Variants in TTC5 observed in about 807,000 individuals in gnomAD.
The protein encoded by TTC5 is tetratricopeptide repeat protein 5.
A neutral mutation model predicts 57.4 loss-of-function variants in TTC5; 46 were observed. The ratio of observed to expected loss-of-function variants is 0.80; its 90% CI spans 0.63 to 1.03. TTC5 has a LOEUF of 1.03. TTC5 is among the 50% of genes least tolerant of loss of function. The pLI is 0.00. For synonymous variants in TTC5, 190 were observed against 203.5 expected, an observed-to-expected ratio of 0.93 and a Z score of 0.57; for missense variants, 504 against 528.1, an observed-to-expected ratio of 0.95 and a Z score of 0.45.
intron 4 of TTC5, 82 bp downstream of exon 4, chr14:20,299,216 C>A (rs1882130384): frequency 3.4e-6 from 5 of 1,491,884 alleles, no homozygotes; most frequent in Middle Eastern, 2.4e-4. Flanking sequence ...CAGAATCACA[C>A]TCAAAAGAGG....
Position 20,295,024 on chromosome 14 carries a change from G to A in TTC5, c.1058+288C>T, listed in dbSNP as rs1262241605. On this transcript the variant is annotated intron_variant, in intron 8 of 9. Coordinates refer to ENST00000258821, the MANE Select transcript of TTC5 (RefSeq NM_138376.3). ...GGGACAGAAGAATTTTGAGGTTTCT[G>A]TCTTATAAAAAAATATGTCCTGCCA... The A allele has an allele frequency of 8.8e-6, 3 of 342,220 alleles. No homozygotes were observed. The South Asian group carries it at 1.4e-4, about 16-fold the overall frequency. The allele number at this position is 342,220 out of a possible 1,614,324, so 21.2% of individuals were successfully genotyped here.
At position 20,292,027 on chromosome 14, in the gene TTC5, G is replaced by A. The variant is rs1881964215; in HGVS notation, c.1159C>T (p.Pro387Ser). The A allele has an allele frequency of 6.3e-7, 1 of 1,589,928 alleles. No homozygotes were observed. The highest frequency in any genetic ancestry group is 1.8e-5 in the Admixed American group (1 of 56,590). The change falls in exon 9 of 10, where the codon CCT (proline) becomes TCT (serine). Residue 387 changes from proline (P) to serine (S), a missense_variant. By Grantham distance (74) the Pro-to-Ser change is moderately conservative. Transcript: ENST00000258821. ...CGGTGAAGCCGCAGGTTGGGCTCAGGAATGGCTACAGAGTCTCCAATGAGC... is the reference window on the plus strand; with the variant it reads ...CGGTGAAGCCGCAGGTTGGGCTCAGAAATGGCTACAGAGTCTCCAATGAGC... ...GVLIGDSVAI[P>S]EPNLRLHRIQ...
chr14:20,301,916 T>A lies in TTC5; in HGVS notation c.101A>T (p.His34Leu). The A allele has an allele frequency of 2.5e-6, 4 of 1,614,114 alleles. No homozygotes were observed. Among genetic ancestry groups the A allele is most frequent in the Non-Finnish European group, 3.4e-6 (4 of 1,179,990 alleles). The change falls in exon 2 of 10, where the codon CAT (histidine) becomes CTT (leucine). Residue 34 changes from histidine to leucine, a missense_variant. Physicochemically the swap from His to Leu is moderately conservative, Grantham distance 99. Coordinates refer to ENST00000258821, the MANE Select transcript of TTC5 (RefSeq NM_138376.3). ...CTTCCTCCCAGCATCCTCAACACTATGTGTCTCGAAATAGCAGTCTCGAAA... is the reference window on the plus strand; with the variant it reads ...CTTCCTCCCAGCATCCTCAACACTAAGTGTCTCGAAATAGCAGTCTCGAAA... ...YSFRDCYFET[H>L]SVEDAGRKQQ...
At position 20,291,466 on chromosome 14, in the gene TTC5, G is replaced by GT. The variant is rs1252916324; in HGVS notation, c.1203+516dup. ...GTAGTTAAATATCTACATTCATAAG[G>GT]TTTTTTTAAGAATTGAATGGGGCAA... On this transcript the variant is annotated intron_variant, in intron 9 of 9. Transcript: ENST00000258821. 5.9e-5 allele frequency among the ~76,000 whole-genome samples: 9 copies of GT among 152,230 alleles called. No homozygotes were observed. The East Asian group carries it at 1.2e-3, about 20-fold the overall frequency.
chr14:20,292,979 T>C (rs577071659), intron 8 of TTC5: 146 of 152,344 alleles, frequency 9.6e-4, no homozygotes, highest in African/African-American at 3.3e-3. Flanking sequence ...GGTAATGATC[T>C]CTATTTGGGT....
intron 8 of TTC5, chr14:20,293,195 G>A (rs1246929940): frequency 6.6e-6 from 1 of 152,172 alleles, no homozygotes; most frequent in Non-Finnish European, 1.5e-5. Flanking sequence ...AATAAGCTAA[G>A]TAAAATAAAA....
chr14:20,293,798 GATACCATTC>G (rs773840579), intron 8 of TTC5: 1 of 152,192 alleles, frequency 6.6e-6, no homozygotes, highest in Non-Finnish European at 1.5e-5. Flanking sequence ...ACTGAGAGGT[GATACCATTC>G]ATTCACAAGG....
In TTC5 at chr14:20,300,143, G is replaced by GTATGTGTGTGTATATATATATATATA. The variant is rs56828704; in HGVS notation, c.396+463_396+464insTATATATATATATATACACACACATA. Among the ~76,000 whole-genome samples the GTATGTGTGTGTATATATATATATATA allele has an allele frequency of 9.2e-4, 25 of 27,142 alleles. 1 individual carries two copies. The highest frequency in any genetic ancestry group is 1.9e-3 in the African/African-American group (17 of 9,186). The allele number at this position is 27,142 out of a possible 152,430, so 17.8% of individuals were successfully genotyped here. ...GCATGAGTCACCACGTCTGGTCCATGTATATATATATATTTTTTTTTTTTT... is the reference window on the plus strand; with the variant it reads ...GCATGAGTCACCACGTCTGGTCCATGTATGTGTGTGTATATATATATATATATATATATATATATTTTTTTTTTTTT... On this transcript the variant is annotated intron_variant, in intron 3 of 9. Coordinates refer to ENST00000258821, the MANE Select transcript of TTC5 (RefSeq NM_138376.3).
chr14:20,302,295 A>C (rs1167319600), intron 1 of TTC5, among the ~76,000 whole-genome samples: 1 of 152,230 alleles, frequency 6.6e-6, no homozygotes, highest in Non-Finnish European at 1.5e-5. Context: ...CTGCAACTTA[A>C]GATAAACCAA....
intron 3 of TTC5, 61 bp from the exon 4 acceptor site, chr14:20,299,509 T>G: frequency 1.9e-6 from 3 of 1,552,456 alleles, no homozygotes; most frequent in Non-Finnish European, 1.8e-6. Context: ...TCCAGATCTA[T>G]TCTGAACTCA....
chr14:20,297,768 G>A (rs796091763), intron 5 of TTC5, among the ~76,000 whole-genome samples: 3 of 149,262 alleles, frequency 2.0e-5, no homozygotes, highest in South Asian at 2.1e-4. Flanking sequence ...ATGAGACTCC[G>A]TCTCAAAAAA....
At chr14:20,296,346 C>T in intron 6 of TTC5, 44 bp downstream of exon 6, 1 of 1,493,370 alleles carries the variant, frequency 6.7e-7, no homozygotes, top group Non-Finnish European at 9.3e-7. Context: ...ACATAGGTGT[C>T]TTATTTATTT....
At chr14:20,297,978 G>A (rs1437432038) in intron 5 of TTC5, among the ~76,000 whole-genome samples, 1 of 152,042 alleles carries the variant, frequency 6.6e-6, no homozygotes, top group Non-Finnish European at 1.5e-5. Flanking sequence ...AGGAGGGGGA[G>A]AAAAACCAAT....
chr14:20,302,382 C>T (rs1882211601), intron 1 of TTC5, among the ~76,000 whole-genome samples: 1 of 152,208 alleles, frequency 6.6e-6, no homozygotes, highest in African/African-American at 2.4e-5. Flanking sequence ...AGTTGGACTT[C>T]TCAACTAAAA....
At chr14:20,301,148 C>A (rs538494842) in intron 2 of TTC5, among the ~76,000 whole-genome samples, 1 of 152,152 alleles carries the variant, frequency 6.6e-6, no homozygotes, top group Non-Finnish European at 1.5e-5. Context: ...TGAAAAAGAG[C>A]ATATGGCATT....
chr14:20,286,284 C>T lies in TTC5; in HGVS notation c.*3343G>A, dbSNP rs1046395143. The T allele has an allele frequency of 1.3e-5, 2 of 151,818 alleles. No homozygotes were observed. The highest frequency in any genetic ancestry group is 2.9e-5 in the Non-Finnish European group (2 of 67,952). The allele number at this position is 151,818 out of a possible 1,614,324, so 9.4% of individuals were successfully genotyped here. A position where few individuals can be genotyped will look rare whatever the true frequency, so the allele number is the denominator to read the frequency against. ...ATTTATAATGGATTAGTATCCAGAACATGTAAGGAATCAATAAGAAGACAA... is the reference window on the plus strand; with the variant it reads ...ATTTATAATGGATTAGTATCCAGAATATGTAAGGAATCAATAAGAAGACAA... On this transcript the variant is annotated 3_prime_UTR_variant, in exon 10 of 10. Transcript: ENST00000258821.
chr14:20,288,001 T>C lies in TTC5; in HGVS notation c.*1626A>G, dbSNP rs1881872696. The C allele has an allele frequency of 6.6e-6, 1 of 152,170 alleles. No individual in the cohort carries two copies. Among genetic ancestry groups the C allele is most frequent in the African/African-American group, 2.4e-5 (1 of 41,434 alleles). The allele number at this position is 152,170 out of a possible 1,614,324, so 9.4% of individuals were successfully genotyped here. A position where few individuals can be genotyped will look rare whatever the true frequency, so the allele number is the denominator to read the frequency against. ...TTTTTGGTGCAGTCCATGAAGAGTG[T>C]TCTTGCAAACTATATCAGACTGGTT... On this transcript the variant is annotated 3_prime_UTR_variant, in exon 10 of 10. Coordinates refer to ENST00000258821, the MANE Select transcript of TTC5 (RefSeq NM_138376.3).
chr14:20,291,737 G>C (rs1881956755), intron 9 of TTC5, among the ~76,000 whole-genome samples: 1 of 151,970 alleles, frequency 6.6e-6, no homozygotes, highest in African/African-American at 2.4e-5. Flanking sequence ...AACAGTAACA[G>C]TTAAAAGGCA....
intron 8 of TTC5, 96 bp downstream of exon 8, chr14:20,295,216 G>T: frequency 8.9e-7 from 1 of 1,121,652 alleles, no homozygotes; most frequent in South Asian, 1.4e-5. Flanking sequence ...ACAAATCTGT[G>T]ACCACTGACA....
Sources: allele counts gnomAD v4.1 joint callset (sites outside exome capture counted in the v4.1 genomes callset), GRCh38; gene constraint gnomAD v4.1.1; transcripts MANE v1.5; gene names NCBI Gene and HGNC (gene_info 2026-07-23, HGNC 2026-07-21).